THSD7B: variants seen among roughly 807,000 people sequenced by gnomAD.
THSD7B encodes the protein thrombospondin type 1 domain containing 7B, also known as thrombospondin type-1 domain-containing protein 7B.
THSD7B carries 138 observed loss-of-function variants against 213.6 expected under a neutral mutation model. That is an observed-to-expected ratio of 0.65 (90% CI 0.56 to 0.74). The LOEUF is 0.74. Among genes scored for constraint, THSD7B ranks in the 30% least tolerant of loss-of-function variants. THSD7B has a pLI of 0.00. For missense variants in THSD7B, 1,931 were observed against 1,991.5 expected (o/e 0.97, Z 0.58); for synonymous variants, 742 against 687.0 (o/e 1.08, Z -1.25).
chr2:136,967,077 A>G (rs1189286641), intron 2 of THSD7B, among the ~76,000 whole-genome samples: 1 of 152,090 alleles, frequency 6.6e-6, no homozygotes, highest in African/African-American at 2.4e-5. Flanking sequence ...TTTCTATTTT[A>G]CTGTGTCCTC....
intron 3 of THSD7B, among the ~76,000 whole-genome samples, chr2:137,072,501 G>A (rs1388570303): frequency 2.0e-5 from 3 of 151,996 alleles, no homozygotes; most frequent in Non-Finnish European, 4.4e-5. Flanking sequence ...AGGAGATTTT[G>A]GGCTGAGATG....
intron 1 of THSD7B, among the ~76,000 whole-genome samples, chr2:136,796,869 C>T (rs1356243959): frequency 6.6e-6 from 1 of 151,650 alleles, no homozygotes; most frequent in African/African-American, 2.4e-5. Context: ...ACATAACTTT[C>T]TCTGCTTCTA....
chr2:136,856,163 C>T (rs1573671848), intron 1 of THSD7B, among the ~76,000 whole-genome samples: 1 of 152,300 alleles, frequency 6.6e-6, no homozygotes, highest in South Asian at 2.1e-4. Context: ...TGTTCTTGGA[C>T]AGTCACTGGC....
intron 10 of THSD7B, among the ~76,000 whole-genome samples, chr2:137,242,878 G>A (rs1681943332): frequency 6.6e-6 from 1 of 151,986 alleles, no homozygotes; most frequent in African/African-American, 2.4e-5. Flanking sequence ...TCCTTATAAA[G>A]CATCATCACA....
Position 137,411,676 on chromosome 2 carries a change from T to C in THSD7B, c.2763T>C (p.Cys921=), listed in dbSNP as rs773076538. The part of the protein sequence containing the change: ...DLYPLVETEL[C]PCDEFISQPY... The stretch of plus-strand genomic sequence containing the variant: ...ACCCTCTAGTGGAGACAGAACTATG[T>C]CCTTGTGATGAATTTATATCCCAAC... The change falls in exon 14 of 28, where the codon TGT becomes TGC. Residue 921 remains cysteine (C), a synonymous_variant. Coordinates refer to ENST00000409968, the MANE Select transcript of THSD7B (RefSeq NM_001316349.2). The C allele has an allele frequency of 6.2e-7, 1 of 1,614,022 alleles. No individual in the cohort carries two copies. Among genetic ancestry groups the C allele is most frequent in the Admixed American group, 1.7e-5 (1 of 60,028 alleles).
intron 12 of THSD7B, among the ~76,000 whole-genome samples, chr2:137,358,480 T>G (rs1004249072): frequency 1.9e-4 from 29 of 152,148 alleles, no homozygotes; most frequent in African/African-American, 6.5e-4. Context: ...CGAAAAAAAT[T>G]TTTTAAAGGT....
chr2:137,660,103 T>C (rs890652919), intron 25 of THSD7B, among the ~76,000 whole-genome samples: 5 of 152,250 alleles, frequency 3.3e-5, no homozygotes, highest in Admixed American at 1.3e-4. Context: ...AAAGTTATTA[T>C]GCAAATTGTA....
At chr2:137,570,721 G>A (rs1681337743) in intron 16 of THSD7B, among the ~76,000 whole-genome samples, 1 of 152,004 alleles carries the variant, frequency 6.6e-6, no homozygotes, top group Non-Finnish European at 1.5e-5. Flanking sequence ...CATCATCATT[G>A]CCATTTTCAT....
At chr2:137,223,580 T>C (rs933098549) in intron 7 of THSD7B, among the ~76,000 whole-genome samples, 2 of 152,202 alleles carry the variant, frequency 1.3e-5, no homozygotes, top group Non-Finnish European at 2.9e-5. Flanking sequence ...CAAGTTGGCG[T>C]TATTTTTAGG....
rs371918112 is a variant in THSD7B at position 136,911,120 on chromosome 2, A to C, written c.139+28803A>C. ...TGCTGAAATAACTTGGGAAATATTA[A>C]TTTTGGTCAGCAAAATCAACTTTAA... On this transcript the variant is annotated intron_variant, in intron 2 of 27. Transcript: ENST00000409968. 1.7e-4 allele frequency among the ~76,000 whole-genome samples: 26 copies of C among 152,322 alleles called. No individual in the cohort carries two copies. In the South Asian group the frequency reaches 2.9e-3, roughly 17 times the overall value.
chr2:137,373,267 C>T (rs1685573251), intron 12 of THSD7B, among the ~76,000 whole-genome samples: 1 of 152,202 alleles, frequency 6.6e-6, no homozygotes, highest in African/African-American at 2.4e-5. Context: ...CCTGAGGAAT[C>T]ACCACACTGA....
chr2:137,154,267 C>T (rs1573856448), intron 5 of THSD7B, among the ~76,000 whole-genome samples: 1 of 152,006 alleles, frequency 6.6e-6, no homozygotes, highest in Admixed American at 6.6e-5. Flanking sequence ...TGACGAATTC[C>T]TCTACCATCT....
chr2:136,868,455 C>A (rs927804112), intron 1 of THSD7B, among the ~76,000 whole-genome samples: 3 of 152,034 alleles, frequency 2.0e-5, no homozygotes, highest in Non-Finnish European at 4.4e-5. Context: ...GGCTTATAAA[C>A]TTATTATTTT....
chr2:137,354,581 A>G (rs1685087497), intron 12 of THSD7B, among the ~76,000 whole-genome samples: 1 of 152,078 alleles, frequency 6.6e-6, no homozygotes, highest in Non-Finnish European at 1.5e-5. Context: ...TTTTAGTATA[A>G]TGTACATCTA....
intron 15 of THSD7B, among the ~76,000 whole-genome samples, chr2:137,526,919 C>T (rs1257829247): frequency 6.6e-6 from 1 of 151,894 alleles, no homozygotes; most frequent in African/African-American, 2.4e-5. Flanking sequence ...TAAAATATCA[C>T]CAAAGAGGAA....
At chr2:137,467,896 A>G (rs983691534) in intron 15 of THSD7B, among the ~76,000 whole-genome samples, 1 of 152,194 alleles carries the variant, frequency 6.6e-6, no homozygotes, top group Admixed American at 6.6e-5. Flanking sequence ...TAAGCAATAC[A>G]TGCATACAAC....
At chr2:137,237,083 A>G (rs567747953) in intron 9 of THSD7B, among the ~76,000 whole-genome samples, 1 of 146,280 alleles carries the variant, frequency 6.8e-6, no homozygotes, top group South Asian at 2.3e-4. Flanking sequence ...ATTACACTCC[A>G]GCCTGGGCAA....
At position 137,232,928 on chromosome 2, in the gene THSD7B, C is replaced by T. The variant is rs779241674; in HGVS notation, c.1945C>T (p.Leu649Phe). The change falls in exon 9 of 28, where the codon CTC (leucine) becomes TTC (phenylalanine). Residue 649 changes from leucine to phenylalanine, a missense_variant. By Grantham distance (22) the Leu-to-Phe change is conservative. Coordinates refer to ENST00000409968, the MANE Select transcript of THSD7B (RefSeq NM_001316349.2). ...GGKPCPPSQA[L>F]QEHRLCNDHS... ...AAAGCCATGTCCCCCTAGTCAGGCT[C>T]TCCAAGAGCATCGTTTGTGTAATGA... 6.2e-7 allele frequency: 1 copy of T among 1,613,932 alleles called. No homozygotes were observed. Among genetic ancestry groups the T allele is most frequent in the East Asian group, 2.2e-5 (1 of 44,870 alleles).
At chr2:137,650,335 T>C (rs1042882362) in intron 21 of THSD7B, among the ~76,000 whole-genome samples, 4 of 152,218 alleles carry the variant, frequency 2.6e-5, no homozygotes, top group African/African-American at 9.6e-5. Flanking sequence ...TTTATATCCT[T>C]TATAGCTATT....
Sources: gnomAD v4.1 joint callset for allele counts (sites outside exome capture counted in the v4.1 genomes callset) on GRCh38, gnomAD v4.1.1 for gene constraint, MANE v1.5 for transcripts, NCBI Gene and HGNC (gene_info 2026-07-23, HGNC 2026-07-21) for gene names.